Variants in LIPC observed in about 807,000 individuals in gnomAD.
The protein encoded by LIPC is hepatic triacylglycerol lipase.
LIPC carries 44 observed loss-of-function variants against 50.7 expected under a neutral mutation model. The ratio of observed to expected loss-of-function variants is 0.87; its 90% CI spans 0.68 to 1.11. The LOEUF is 1.11. Ranked by LOEUF, LIPC falls within the 50% of genes most tolerant of loss-of-function variation. The pLI is 0.00. For synonymous variants in LIPC, 271 were observed against 256.4 expected, an observed-to-expected ratio of 1.06 and a Z score of -0.54; for missense variants, 697 against 648.2, an observed-to-expected ratio of 1.08 and a Z score of -0.82.
At chr15:58,516,921 G>C (rs967075922) in intron 1 of LIPC, among the ~76,000 whole-genome samples, 17 of 152,100 alleles carry the variant, frequency 1.1e-4, no homozygotes, top group African/African-American at 4.1e-4. Flanking sequence ...TACCTAATTG[G>C]TGCTGGGTAT....
At chr15:58,446,786 C>T (rs148090116) in intron 1 of LIPC, among the ~76,000 whole-genome samples, 6 of 152,230 alleles carry the variant, frequency 3.9e-5, no homozygotes, top group Non-Finnish European at 8.8e-5. Flanking sequence ...GGAGCAGGCA[C>T]GTGGCAAATG....
At chr15:58,485,424 G>C (rs773909864) in intron 1 of LIPC, among the ~76,000 whole-genome samples, 1 of 152,164 alleles carries the variant, frequency 6.6e-6, no homozygotes, top group Admixed American at 6.5e-5. Context: ...GTTGGGTGCC[G>C]GAGGGGAAGA....
intron 2 of LIPC, among the ~76,000 whole-genome samples, chr15:58,538,736 C>T (rs1198648555): frequency 2.0e-5 from 3 of 152,092 alleles, no homozygotes; most frequent in African/African-American, 7.2e-5. Context: ...TAATTATCTC[C>T]ATGTTTCAGA....
chr15:58,553,422 G>C (rs940410491), intron 6 of LIPC, among the ~76,000 whole-genome samples: 7 of 152,114 alleles, frequency 4.6e-5, no homozygotes, highest in African/African-American at 1.7e-4. Flanking sequence ...AAAGCAAGAC[G>C]CCATCTCTAC....
At chr15:58,545,335 C>A (rs2140920644) in intron 4 of LIPC, among the ~76,000 whole-genome samples, 1 of 152,172 alleles carries the variant, frequency 6.6e-6, no homozygotes, top group Non-Finnish European at 1.5e-5. Flanking sequence ...AACTCCTGGG[C>A]TCAAGCAACC....
At chr15:58,565,998 T>G in intron 8 of LIPC, 1 of 985,316 alleles carries the variant, frequency 1.0e-6, no homozygotes, top group Non-Finnish European at 1.2e-6. Flanking sequence ...GAATTAATTT[T>G]ACTAACGGTG....
At chr15:58,438,954 G>C (rs261342) in intron 1 of LIPC, among the ~76,000 whole-genome samples, 96,369 of 152,134 alleles carry the variant, frequency 0.63, 32,962 homozygotes, top group Non-Finnish European at 0.78. Context: ...GAGAAGAGAA[G>C]GAAATGCATG....
At chr15:58,509,704 G>C (rs1214925512) in intron 1 of LIPC, among the ~76,000 whole-genome samples, 1 of 152,052 alleles carries the variant, frequency 6.6e-6, no homozygotes, top group Non-Finnish European at 1.5e-5. Flanking sequence ...TTACATGGAT[G>C]AAATTGTTTC....
At chr15:58,467,336 G>A (rs1236667162) in intron 1 of LIPC, among the ~76,000 whole-genome samples, 9 of 152,110 alleles carry the variant, frequency 5.9e-5, no homozygotes, top group African/African-American at 1.7e-4. Context: ...TTGCTTGCGG[G>A]CTCCTTGTGT....
chr15:58,568,425 C>G (rs775487883), intron 8 of LIPC, among the ~76,000 whole-genome samples: 2 of 152,186 alleles, frequency 1.3e-5, no homozygotes, highest in African/African-American at 4.8e-5. Flanking sequence ...CTCAAATCTT[C>G]GATGAGCTGT....
chr15:58,550,470 G>A (rs1242842817), intron 6 of LIPC, among the ~76,000 whole-genome samples: 1 of 152,192 alleles, frequency 6.6e-6, no homozygotes, highest in African/African-American at 2.4e-5. Flanking sequence ...ACCATACACT[G>A]CTGATGTGAA....
chr15:58,508,179 G>T (rs1326269340), intron 1 of LIPC, among the ~76,000 whole-genome samples: 1 of 150,554 alleles, frequency 6.6e-6, no homozygotes, highest in African/African-American at 2.4e-5. Flanking sequence ...GGGATGAAGA[G>T]AACAACTTCA....
At chr15:58,567,779 T>C (rs1894441252) in intron 8 of LIPC, among the ~76,000 whole-genome samples, 1 of 152,054 alleles carries the variant, frequency 6.6e-6, no homozygotes, top group South Asian at 2.1e-4. Context: ...ATACACAACA[T>C]GATGCCACTC....
At chr15:58,437,211 G>C (rs538695364) in intron 1 of LIPC, among the ~76,000 whole-genome samples, 2 of 152,170 alleles carry the variant, frequency 1.3e-5, no homozygotes, top group African/African-American at 4.8e-5. Context: ...AAGAGTCGTT[G>C]AGCCTCCTGA....
At chr15:58,450,718 A>T (rs1192944009) in intron 1 of LIPC, among the ~76,000 whole-genome samples, 1 of 152,170 alleles carries the variant, frequency 6.6e-6, no homozygotes, top group African/African-American at 2.4e-5. Context: ...AGTAGGTCAC[A>T]GTCTTGCCAC....
intron 1 of LIPC, among the ~76,000 whole-genome samples, chr15:58,528,734 C>T (rs1300503020): frequency 2.0e-5 from 3 of 152,236 alleles, no homozygotes; most frequent in African/African-American, 7.2e-5. Context: ...ATGGGCCCAA[C>T]TTGAGTTTCT....
chr15:58,463,335 C>G (rs1343826053), intron 1 of LIPC, among the ~76,000 whole-genome samples: 4 of 152,200 alleles, frequency 2.6e-5, no homozygotes, highest in Non-Finnish European at 5.9e-5. Flanking sequence ...TCTGGGGCCT[C>G]GGGAAAAGGG....
At chr15:58,507,275 T>G (rs1216237563) in intron 1 of LIPC, among the ~76,000 whole-genome samples, 2 of 152,018 alleles carry the variant, frequency 1.3e-5, no homozygotes, top group South Asian at 2.1e-4. Context: ...ATACTTTTCT[T>G]TTTGCTTTCT....
chr15:58,455,829 G>GTGTA (rs1192974475), intron 1 of LIPC, among the ~76,000 whole-genome samples: 1 of 152,100 alleles, frequency 6.6e-6, no homozygotes, highest in Non-Finnish European at 1.5e-5. Context: ...GCATGTATGC[G>GTGTA]TGTATATATA....
Sources: gnomAD v4.1 joint callset for allele counts (sites outside exome capture counted in the v4.1 genomes callset) on GRCh38, gnomAD v4.1.1 for gene constraint, MANE v1.5 for transcripts, NCBI Gene and HGNC (gene_info 2026-07-23, HGNC 2026-07-21) for gene names.